Variants in UROS observed in about 807,000 individuals in gnomAD.
UROS encodes the protein uroporphyrinogen-III synthase.
UROS carries 18 observed loss-of-function variants against 33.0 expected under a neutral mutation model. That is an observed-to-expected ratio of 0.55 (90% CI 0.38 to 0.81). The LOEUF (loss-of-function observed/expected upper bound fraction) is 0.81, where lower values mean the gene tolerates loss of function less well. Ranked by LOEUF, UROS falls within the 30% of genes least tolerant of loss-of-function variation. UROS has a pLI of 0.00. For missense variants in UROS, 293 were observed against 314.9 expected, an observed-to-expected ratio of 0.93 and a Z score of 0.53; for synonymous variants, 114 against 121.1, an observed-to-expected ratio of 0.94 and a Z score of 0.38.
intron 9 of UROS, chr10:125,792,284 C>T (rs570457120): frequency 6.6e-6 from 1 of 152,324 alleles, no homozygotes; most frequent in Admixed American, 6.5e-5. Context: ...GAGCCTTTCA[C>T]TCCTGTGTCA....
Position 125,816,200 on chromosome 10 carries a change from A to C in UROS, c.124T>G (p.Ser42Ala). 2 of 1,614,244 alleles carry C rather than the reference A, an allele frequency of 1.2e-6. No homozygotes were observed. Among genetic ancestry groups the C allele is most frequent in the Non-Finnish European group, 1.7e-6 (2 of 1,180,046 alleles). ...LIPVLSFEFL[S>A]LPSFSEKLSH... ...ACCTTCTCAGAGAAACTGGGAAGAG[A>C]CAAAAACTCAAACGATAAAACAGGG... The change falls in exon 3 of 10, where the codon TCT becomes GCT. Residue 42 changes from serine (S) to alanine (A), a missense_variant. Coordinates refer to ENST00000368797, the MANE Select transcript of UROS (RefSeq NM_000375.3).
intron 1 of UROS, chr10:125,819,900 C>G (rs1169522600): frequency 1.3e-5 from 2 of 151,976 alleles, no homozygotes; most frequent in African/African-American, 4.8e-5. Flanking sequence ...CAACCTGTCT[C>G]TAGATTTACA....
intron 5 of UROS, among the ~76,000 whole-genome samples, chr10:125,807,875 G>A (rs954915531): frequency 6.6e-6 from 1 of 152,162 alleles, no homozygotes; most frequent in African/African-American, 2.4e-5. Flanking sequence ...AGGAGATGAT[G>A]GGCATTTGGT....
intron 1 of UROS, 59 bp from the exon 2 acceptor site, chr10:125,816,584 T>A: frequency 6.5e-7 from 1 of 1,535,668 alleles, no homozygotes; most frequent in South Asian, 1.1e-5. Context: ...CCTAAGCAAT[T>A]TCCGATGGGG....
chr10:125,796,195 A>G lies in UROS; in HGVS notation c.476-7T>C. Reference sequence around the variant, plus strand: ...ATGCTTTCCATGGCAATCCCTGGGCACAATCAAAAGCAGGAAAGACTTTAC... The same window carrying G: ...ATGCTTTCCATGGCAATCCCTGGGCGCAATCAAAAGCAGGAAAGACTTTAC... On this transcript the variant is annotated splice_polypyrimidine_tract_variant and splice_region_variant and intron_variant, in intron 7 of 9. Coordinates refer to ENST00000368797, the MANE Select transcript of UROS (RefSeq NM_000375.3). 6.2e-7 allele frequency: 1 copy of G among 1,614,104 alleles called. No individual in the cohort carries two copies. Among genetic ancestry groups the G allele is most frequent in the East Asian group, 2.2e-5 (1 of 44,874 alleles).
At chr10:125,797,727 T>C (rs1474117261) in intron 7 of UROS, among the ~76,000 whole-genome samples, 1 of 152,000 alleles carries the variant, frequency 6.6e-6, no homozygotes, top group African/African-American at 2.4e-5. Flanking sequence ...GACTTTCTTC[T>C]ACATGTGGAA....
rs1850706697 is a variant in UROS, at chr10:125,788,699, G to C, written c.*169C>G. ...AGGGCAGTCACGTGCACGTGGGCCT[G>C]AGGCCAGCCCCAGGTCAGGTCCCGA... On this transcript the variant is annotated 3_prime_UTR_variant, in exon 10 of 10. Coordinates refer to ENST00000368797, the MANE Select transcript of UROS (RefSeq NM_000375.3). 37 of 1,433,196 alleles carry C rather than the reference G, an allele frequency of 2.6e-5. No homozygotes were observed. The highest frequency in any genetic ancestry group is 3.4e-5 in the Non-Finnish European group (37 of 1,097,850). The allele number at this position is 1,433,196 out of a possible 1,614,324, so 88.8% of individuals were successfully genotyped here. A position where few individuals can be genotyped will look rare whatever the true frequency, so the allele number is the denominator to read the frequency against.
chr10:125,796,657 G>T, intron 7 of UROS: 1 of 542,968 alleles, frequency 1.8e-6, no homozygotes, highest in South Asian at 8.0e-5. Context: ...CTGGGCCTCA[G>T]TGTGTCCACT....
chr10:125,799,029 T>C (rs888145707), intron 6 of UROS, among the ~76,000 whole-genome samples: 1 of 152,182 alleles, frequency 6.6e-6, no homozygotes, highest in African/African-American at 2.4e-5. Flanking sequence ...GTATATTTTC[T>C]CACATCCTTA....
At chr10:125,797,934 C>A in intron 7 of UROS, 131 bp downstream of exon 7, 1 of 1,028,200 alleles carries the variant, frequency 9.7e-7, no homozygotes, top group Non-Finnish European at 1.5e-6. Flanking sequence ...TCTGTGTCTC[C>A]TGGCCTGGCT....
intron 5 of UROS, among the ~76,000 whole-genome samples, chr10:125,810,556 T>G (rs548283794): frequency 2.0e-5 from 3 of 152,224 alleles, no homozygotes; most frequent in Admixed American, 1.3e-4. Context: ...ACAGAAACAT[T>G]GAGATGATAA....
chr10:125,820,310 T>C (rs1238245652), intron 1 of UROS, among the ~76,000 whole-genome samples: 2 of 152,170 alleles, frequency 1.3e-5, no homozygotes, highest in Non-Finnish European at 1.5e-5. Context: ...GCCAAGGGTG[T>C]AGGTTCCAGC....
At chr10:125,794,773 C>G in intron 9 of UROS, 107 bp downstream of exon 9, 2 of 1,101,528 alleles carry the variant, frequency 1.8e-6, no homozygotes, top group Non-Finnish European at 2.6e-6. Context: ...AAGGCACCTG[C>G]TAGGCCAGGG....
intron 6 of UROS, among the ~76,000 whole-genome samples, chr10:125,799,434 T>C (rs945402215): frequency 9.2e-5 from 14 of 152,140 alleles, no homozygotes; most frequent in Admixed American, 7.2e-4. Flanking sequence ...GTGGAAGATG[T>C]TAGGGGCCAA....
intron 7 of UROS, chr10:125,796,803 G>A: frequency 1.0e-6 from 1 of 985,398 alleles, no homozygotes; most frequent in Non-Finnish European, 1.2e-6. Context: ...ATTTCAGTCA[G>A]ATATTGACTT....
intron 2 of UROS, 37 bp from the exon 3 acceptor site, chr10:125,816,297 C>A: frequency 6.2e-7 from 1 of 1,609,182 alleles, no homozygotes; most frequent in Non-Finnish European, 8.5e-7. Context: ...TTGGCTAGGG[C>A]TGTTTTTAAA....
chr10:125,802,623 G>A (rs750883456), intron 6 of UROS: 50 of 1,069,436 alleles, frequency 4.7e-5, no homozygotes, highest in Middle Eastern at 4.3e-4. Context: ...AGCAAATGGT[G>A]AACACTTTCT....
chr10:125,794,846 C>G (rs1366355519), intron 9 of UROS, 34 bp downstream of exon 9: 1 of 1,526,438 alleles, frequency 6.6e-7, no homozygotes, highest in Admixed American at 1.7e-5. Flanking sequence ...AAAAAAGAAT[C>G]TGAAAAAGAC....
chr10:125,795,090 T>G, intron 8 of UROS, 112 bp from the exon 9 acceptor site: 2 of 1,011,494 alleles, frequency 2.0e-6, no homozygotes, highest in Non-Finnish European at 3.1e-6. Context: ...AAGGCGGTTT[T>G]AGCACAGGAG....
Sources: gnomAD v4.1 joint callset for allele counts (sites outside exome capture counted in the v4.1 genomes callset) on GRCh38, gnomAD v4.1.1 for gene constraint, MANE v1.5 for transcripts, NCBI Gene and HGNC (gene_info 2026-07-23, HGNC 2026-07-21) for gene names.